WDR37: variants seen among roughly 807,000 people sequenced by gnomAD.
WDR37 encodes the protein WD repeat-containing protein 37.
WDR37 carries 19 observed loss-of-function variants against 62.9 expected under a neutral mutation model. That is an observed-to-expected ratio of 0.30 (90% CI 0.21 to 0.44). WDR37 has a LOEUF of 0.44. WDR37 is among the 20% of genes least tolerant of loss of function. WDR37 has a pLI of 1.00. For missense variants in WDR37, 474 were observed against 657.6 expected (o/e 0.72, Z 3.05); for synonymous variants, 250 against 260.9 (o/e 0.96, Z 0.40).
chr10:1,103,891 C>T lies in WDR37; in HGVS notation c.961+55C>T, dbSNP rs371198070. 6.4e-7 allele frequency: 1 copy of T among 1,559,716 alleles called. No homozygotes were observed. On this transcript the variant is annotated intron_variant, in intron 10 of 13. Coordinates refer to ENST00000263150, the MANE Select transcript of WDR37 (RefSeq NM_014023.4). This position sits in a 1 kb window ranked among gnomAD's most constrained non-coding sequence, Gnocchi z 6.3. ...CTGGCTGTGCATGTTAGTTTATGTCCATGGGTTATGTCTGACCTTGCCACT... is the reference window on the plus strand; with the variant it reads ...CTGGCTGTGCATGTTAGTTTATGTCTATGGGTTATGTCTGACCTTGCCACT...
Position 1,097,006 on chromosome 10 carries a change from C to T in WDR37, c.726+760C>T, listed in dbSNP as rs184992106. On this transcript the variant is annotated intron_variant, in intron 9 of 13. Coordinates refer to ENST00000263150, the MANE Select transcript of WDR37 (RefSeq NM_014023.4). The stretch of plus-strand genomic sequence containing the variant: ...AGGCGAGGGACAGGTCACGGGGAAC[C>T]GGAAGAAAGTGATCCTCATTACAAA... 2.6e-3 allele frequency among the ~76,000 whole-genome samples: 391 copies of T among 152,270 alleles called. 1 individual carries two copies. The highest frequency in any genetic ancestry group is 8.3e-3 in the African/African-American group (346 of 41,532).
chr10:1,057,335 A>G (rs1022464514), intron 1 of WDR37, among the ~76,000 whole-genome samples: 1 of 4,858 alleles, frequency 2.1e-4, no homozygotes, highest in Non-Finnish European at 5.7e-4. Context: ...GGTTGGGGGC[A>G]GAAGGGTTCG....
chr10:1,092,962 C>G (rs372671567), intron 7 of WDR37, among the ~76,000 whole-genome samples: 1 of 150,626 alleles, frequency 6.6e-6, no homozygotes, highest in African/African-American at 2.5e-5. Flanking sequence ...CTGTGTAACC[C>G]AGTCCTGATT....
chr10:1,107,028 A>G (rs1363814339), intron 11 of WDR37, among the ~76,000 whole-genome samples: 1 of 152,198 alleles, frequency 6.6e-6, no homozygotes, highest in Admixed American at 6.5e-5. Context: ...CCATAGTAAT[A>G]CAGACCTCCC....
intron 5 of WDR37, among the ~76,000 whole-genome samples, chr10:1,081,924 T>C (rs1834041017): frequency 6.6e-6 from 1 of 152,164 alleles, no homozygotes; most frequent in African/African-American, 2.4e-5. Flanking sequence ...CAGTAAAAAA[T>C]AAGATTTGGA....
chr10:1,072,271 C>G lies in WDR37; in HGVS notation c.116C>G (p.Pro39Arg). 2 of 1,613,978 alleles carry G rather than the reference C, an allele frequency of 1.2e-6. No homozygotes were observed. The highest frequency in any genetic ancestry group is 8.5e-7 in the Non-Finnish European group (1 of 1,179,960). ...NSSEQERTGL[P>R]RDMLEGQDSK... is the part of the protein sequence containing the mutation. ...TCGGAGCAGGAGAGGACGGGACTGCCAAGAGACATGTTAGAAGGACAAGTA... is the reference window on the plus strand; with the variant it reads ...TCGGAGCAGGAGAGGACGGGACTGCGAAGAGACATGTTAGAAGGACAAGTA... The change falls in exon 2 of 14, where the codon CCA becomes CGA. Residue 39 changes from proline to arginine, a missense_variant. By Grantham distance (103) the Pro-to-Arg change is moderately radical. Transcript: ENST00000263150.
chr10:1,084,264 C>G (rs548427635), intron 5 of WDR37, 139 bp from the exon 6 acceptor site: 1 of 1,135,034 alleles, frequency 8.8e-7, no homozygotes, highest in Non-Finnish European at 1.2e-6. Context: ...CTCACACTTG[C>G]GCTGTGTTCC....
At chr10:1,071,465 CAG>C (rs1224209449) in intron 1 of WDR37, among the ~76,000 whole-genome samples, 1 of 152,126 alleles carries the variant, frequency 6.6e-6, no homozygotes, top group Non-Finnish European at 1.5e-5. Context: ...TGGATAATAA[CAG>C]GGAATGAGTA....
Position 1,129,578 on chromosome 10 carries a change from G to C in WDR37, c.*234G>C, listed in dbSNP as rs956696077. On this transcript the variant is annotated 3_prime_UTR_variant, in exon 14 of 14. Coordinates refer to ENST00000263150, the MANE Select transcript of WDR37 (RefSeq NM_014023.4). ...ATATTGGGTCCTCTGGGCAGTAGAG[G>C]CAAAGCTCACCTCCCATGTAGCACA... The C allele has an allele frequency of 1.9e-5, 9 of 476,002 alleles. No individual in the cohort carries two copies. Among genetic ancestry groups the C allele is most frequent in the Middle Eastern group, 1.2e-3 (2 of 1,678 alleles). The allele number at this position is 476,002 out of a possible 1,614,324, so 29.5% of individuals were successfully genotyped here.
intron 7 of WDR37, among the ~76,000 whole-genome samples, chr10:1,093,123 C>T (rs1294315384): frequency 6.6e-6 from 1 of 152,042 alleles, no homozygotes; most frequent in African/African-American, 2.4e-5. Context: ...AATTTGTCTT[C>T]ACCCGTTGTC....
chr10:1,096,443 C>T, intron 9 of WDR37, 197 bp downstream of exon 9: 1 of 610,820 alleles, frequency 1.6e-6, no homozygotes, highest in Non-Finnish European at 2.9e-6. Context: ...TGCGTGAGGT[C>T]CTCATAAGAG....
In WDR37 at chr10:1,126,393, G is replaced by A. The variant is rs544923922; in HGVS notation, c.1353+1369G>A. Among the ~76,000 whole-genome samples, 1,053 of 142,312 alleles carry A rather than the reference G, an allele frequency of 7.4e-3. 11 individuals are homozygous for A. Among genetic ancestry groups the A allele is most frequent in the South Asian group, 0.026 (112 of 4,384 alleles). 93.4% of individuals were successfully genotyped at this position (142,312 alleles called of 152,430 possible). A position where few individuals can be genotyped will look rare whatever the true frequency, so the allele number is the denominator to read the frequency against. On this transcript the variant is annotated intron_variant, in intron 13 of 13. Transcript: ENST00000263150. ...TGCACTCCAGCCTGGGCGACAGAGC[G>A]AGACTGTGTCTCAGAAAAAAAAAAA...
intron 10 of WDR37, among the ~76,000 whole-genome samples, chr10:1,104,415 C>A (rs1321485418): frequency 2.6e-5 from 4 of 152,272 alleles, no homozygotes; most frequent in Non-Finnish European, 5.9e-5. Flanking sequence ...CTTTCCCACA[C>A]AGCAGCCGCT....
intron 7 of WDR37, among the ~76,000 whole-genome samples, chr10:1,088,367 C>A (rs567853091): frequency 6.6e-6 from 1 of 152,316 alleles, no homozygotes; most frequent in African/African-American, 2.4e-5. Context: ...TTAATCATTT[C>A]TAGCTTTTGA....
In WDR37 at chr10:1,080,010, G is replaced by T. The variant is rs1449215657; in HGVS notation, c.236-1G>T. On this transcript the variant is annotated splice_acceptor_variant, in intron 3 of 13. Transcript: ENST00000263150. LOFTEE classifies it high-confidence loss of function. ...ATTTTTGAAAACTTTTTTCTTCCCA[G>T]TACGTAGAGAAATCGACACTCTTAA... 6.2e-7 allele frequency: 1 copy of T among 1,613,822 alleles called. No homozygotes were observed. Among genetic ancestry groups the T allele is most frequent in the Admixed American group, 1.7e-5 (1 of 60,002 alleles).
chr10:1,121,095 C>G lies in WDR37; in HGVS notation c.1104-3123C>G, dbSNP rs564992497. ...AGTGCACGGCCGTGCGCGCCAGCCT[C>G]CCCATGGGACCTGTGGGCTGAGGGT... On this transcript the variant is annotated intron_variant, in intron 11 of 13. Transcript: ENST00000263150. The surrounding 1 kb of genome is among the most constrained non-coding windows in gnomAD (Gnocchi z 4.5). Among the ~76,000 whole-genome samples the G allele has an allele frequency of 3.9e-5, 6 of 152,334 alleles. No individual in the cohort carries two copies. The highest frequency in any genetic ancestry group is 3.3e-4 in the Admixed American group (5 of 15,306).
rs1015774863 is a variant in WDR37, at chr10:1,092,456, G to A, written c.605-996G>A. On this transcript the variant is annotated intron_variant, in intron 7 of 13. Transcript: ENST00000263150. ...CGGATCTTGGCTCACTGCAAGCTCT[G>A]CCCCCCTGGGTTCATGCCATTCTCC... Among the ~76,000 whole-genome samples, 875 of 151,334 alleles carry A rather than the reference G, an allele frequency of 5.8e-3. 12 individuals are homozygous for A. Among genetic ancestry groups the A allele is most frequent in the African/African-American group, 0.02 (829 of 41,362 alleles).
chr10:1,077,793 G>C (rs1328332196), intron 2 of WDR37, 114 bp from the exon 3 acceptor site: 2 of 769,038 alleles, frequency 2.6e-6, no homozygotes, highest in Non-Finnish European at 4.1e-6. Flanking sequence ...ATAAAAATAT[G>C]TAATAATACA....
At chr10:1,108,383 C>T (rs1835088814) in intron 11 of WDR37, among the ~76,000 whole-genome samples, 1 of 152,166 alleles carries the variant, frequency 6.6e-6, no homozygotes, top group South Asian at 2.1e-4. Context: ...CAGAACGCCC[C>T]TCATTCTGCA....
Sources: gnomAD v4.1 joint callset for allele counts (sites outside exome capture counted in the v4.1 genomes callset) on GRCh38, gnomAD v4.1.1 for gene constraint, Gnocchi (gnomAD v3.1) non-coding constraint, MANE v1.5 for transcripts, NCBI Gene and HGNC (gene_info 2026-07-23, HGNC 2026-07-21) for gene names.